OGDHL: variants seen among roughly 807,000 people sequenced by gnomAD.
OGDHL encodes the protein 2-oxoglutarate dehydrogenase-like, mitochondrial.
A neutral mutation model predicts 109.6 loss-of-function variants in OGDHL; 79 were observed. The ratio of observed to expected loss-of-function variants is 0.72; its 90% CI spans 0.60 to 0.87. OGDHL has a LOEUF of 0.87. OGDHL is among the 40% of genes least tolerant of loss of function. OGDHL has a pLI of 0.00. For missense variants in OGDHL, 1,275 were observed against 1,362.2 expected, an observed-to-expected ratio of 0.94 and a Z score of 1.01; for synonymous variants, 528 against 537.2, an observed-to-expected ratio of 0.98 and a Z score of 0.24.
At chr10:49,742,074 C>T (rs1201773823) in intron 15 of OGDHL, among the ~76,000 whole-genome samples, 1 of 86,074 alleles carries the variant, frequency 1.2e-5, no homozygotes, top group African/African-American at 4.4e-5. Context: ...ACACACCACA[C>T]ACCCCACACA....
intron 1 of OGDHL, among the ~76,000 whole-genome samples, chr10:49,761,579 G>GAGGGGCTGCT (rs1564567426): frequency 1.3e-5 from 2 of 152,236 alleles, no homozygotes; most frequent in East Asian, 1.9e-4. Flanking sequence ...AGACACTGGG[G>GAGGGGCTGCT]AGGGGCTGCT....
At chr10:49,759,138 G>A (rs1843107433) in intron 1 of OGDHL, among the ~76,000 whole-genome samples, 1 of 152,188 alleles carries the variant, frequency 6.6e-6, no homozygotes. Flanking sequence ...TATCTCAGGA[G>A]GGCTGTGGCT....
At position 49,750,852 on chromosome 10, in the gene OGDHL, C is replaced by G. The variant is rs770280926; in HGVS notation, c.883G>C (p.Gly295Arg). 6.2e-7 allele frequency: 1 copy of G among 1,610,842 alleles called. No individual in the cohort carries two copies. The highest frequency in any genetic ancestry group is 8.5e-7 in the Non-Finnish European group (1 of 1,178,494). Residue 295 changes from glycine (G) to arginine (R), a missense_variant, in exon 7 of 23, where the codon GGG becomes CGG. Coordinates refer to ENST00000374103, the MANE Select transcript of OGDHL (RefSeq NM_018245.3). ...AGGGGGACCCACCTGTGTGGCATCCCCAAGATGACATTCTCAATCCCCATC... is the reference window on the plus strand; with the variant it reads ...AGGGGGACCCACCTGTGTGGCATCCGCAAGATGACATTCTCAATCCCCATC... The part of the protein sequence containing the change: ...SEMGIENVIL[G>R]MPHRGRLNVL...
rs750620449 is a variant in OGDHL, at chr10:49,736,372, G to A, written c.2739C>T (p.Ile913=). The change falls in exon 21 of 23, where the codon ATC becomes ATT. Residue 913 remains isoleucine (I), a synonymous_variant. Transcript: ENST00000374103. ...TCAGGCACACCTGCTCCAGGCGCGT[G>A]ATGGCCACTTTCTCCTCCAGGTCCT... is the stretch of plus-strand genomic sequence containing the variant. The part of the protein sequence containing the change: ...SSQDLEEKVA[I]TRLEQISPFP... The A allele has an allele frequency of 6.2e-7, 1 of 1,614,144 alleles. No homozygotes were observed. The highest frequency in any genetic ancestry group is 1.1e-5 in the South Asian group (1 of 91,090).
At chr10:49,739,625 A>G (rs1564526165) in intron 17 of OGDHL, 36 bp downstream of exon 17, 3 of 1,602,500 alleles carry the variant, frequency 1.9e-6, no homozygotes, top group Non-Finnish European at 1.7e-6. Context: ...GCCCGCCAGA[A>G]CCCACCAAGC....
chr10:49,751,851 A>G lies in OGDHL; in HGVS notation c.725T>C (p.Leu242Pro). ...QFSSEEKRTL[L>P]ARLVRSMRFE... Reference sequence around the variant, plus strand: ...CCTCATGGAGCGCACTAGCCGGGCCAGCAGGGTCCGCTTCTCCTCGCTGGA... The same window carrying G: ...CCTCATGGAGCGCACTAGCCGGGCCGGCAGGGTCCGCTTCTCCTCGCTGGA... Residue 242 changes from leucine (L) to proline (P), a missense_variant, in exon 6 of 23, where the codon CTG becomes CCG. By Grantham distance (98) the Leu-to-Pro change is moderately conservative (BLOSUM62 -3). Transcript: ENST00000374103. The G allele has an allele frequency of 6.2e-7, 1 of 1,614,056 alleles. No homozygotes were observed. Among genetic ancestry groups the G allele is most frequent in the Non-Finnish European group, 8.5e-7 (1 of 1,180,002 alleles).
chr10:49,735,355 G>A lies in OGDHL; in HGVS notation c.2910-4C>T, dbSNP rs1418501694. On this transcript the variant is annotated splice_region_variant and splice_polypyrimidine_tract_variant and intron_variant, in intron 22 of 22. Coordinates refer to ENST00000374103, the MANE Select transcript of OGDHL (RefSeq NM_018245.3). ...CGCTGGGTCCCGGCCAACATACCTG[G>A]AGGAGGAGAGACAAGCTAAGGGGAA... 6.2e-7 allele frequency: 1 copy of A among 1,611,976 alleles called. No homozygotes were observed. The highest frequency in any genetic ancestry group is 8.5e-7 in the Non-Finnish European group (1 of 1,179,490).
rs762687260 is a variant in OGDHL, at chr10:49,745,766, AC to A, written c.1476+31del. 8 of 1,605,040 alleles carry A rather than the reference AC, an allele frequency of 5.0e-6. No individual in the cohort carries two copies. In the East Asian group the frequency reaches 1.8e-4, roughly 36 times the overall value. ...TCAGCACAGCAGGGATGGGCCACCC[AC>A]CCATGCCTTGGCCTCAGTCCCCAGA... On this transcript the variant is annotated intron_variant, in intron 11 of 22. Coordinates refer to ENST00000374103, the MANE Select transcript of OGDHL (RefSeq NM_018245.3).
At position 49,743,330 on chromosome 10, in the gene OGDHL, G is replaced by T. The variant is rs890707869; in HGVS notation, c.1862-352C>A. The stretch of plus-strand genomic sequence containing the variant: ...GCTCCTGTCAGCCCCACACACAGAG[G>T]CTAACACACAAACAGAGCGGGCACA... On this transcript the variant is annotated intron_variant, in intron 14 of 22. Coordinates refer to ENST00000374103, the MANE Select transcript of OGDHL (RefSeq NM_018245.3). Among the ~76,000 whole-genome samples the T allele has an allele frequency of 2.0e-5, 3 of 152,124 alleles. No individual in the cohort carries two copies. In the East Asian group the frequency reaches 5.8e-4, roughly 30 times the overall value.
intron 3 of OGDHL, among the ~76,000 whole-genome samples, chr10:49,755,445 C>T (rs144390990): frequency 3.3e-5 from 5 of 152,160 alleles, no homozygotes; most frequent in African/African-American, 7.2e-5. Context: ...CAGCAGTGAG[C>T]GGGGGCTAAG....
intron 3 of OGDHL, among the ~76,000 whole-genome samples, chr10:49,755,584 G>A (rs1427468640): frequency 1.3e-5 from 2 of 152,096 alleles, no homozygotes; most frequent in African/African-American, 4.8e-5. Flanking sequence ...CAGTGTGCAG[G>A]TGATTCTAAC....
intron 15 of OGDHL, among the ~76,000 whole-genome samples, chr10:49,742,522 A>G (rs1416351945): frequency 1.2e-5 from 1 of 85,522 alleles, no homozygotes; most frequent in Non-Finnish European, 2.4e-5. Flanking sequence ...TACACACCAA[A>G]CACACCACAC....
chr10:49,735,458 C>A, intron 22 of OGDHL, 107 bp from the exon 23 acceptor site: 1 of 1,366,814 alleles, frequency 7.3e-7, no homozygotes, highest in East Asian at 2.3e-5. Context: ...CCGCTGACCT[C>A]GAAGCCATAG....
rs866708709 is a variant in OGDHL at position 49,744,257 on chromosome 10, C to G, written c.1733-135G>C. The G allele has an allele frequency of 1.8e-5, 20 of 1,142,706 alleles. No homozygotes were observed. The South Asian group carries it at 3.2e-4, about 18-fold the overall frequency. The allele number at this position is 1,142,706 out of a possible 1,614,324, so 70.8% of individuals were successfully genotyped here. A position where few individuals can be genotyped will look rare whatever the true frequency, so the allele number is the denominator to read the frequency against. ...GCACTCGGACTCACCCTGAGCCCAC[C>G]CTTGGGACCTGGGACAGCTGGACAG... On this transcript the variant is annotated intron_variant, in intron 13 of 22. Transcript: ENST00000374103.
At position 49,750,115 on chromosome 10, in the gene OGDHL, C is replaced by T. The variant is rs909415309; in HGVS notation, c.897-299G>A. Among the ~76,000 whole-genome samples the T allele has an allele frequency of 5.3e-5, 8 of 152,272 alleles. No individual in the cohort carries two copies. The East Asian group carries it at 5.8e-4, about 11-fold the overall frequency. On this transcript the variant is annotated intron_variant, in intron 7 of 22. Transcript: ENST00000374103. Reference sequence around the variant, plus strand: ...CCCCAAAGTCCTGGCAGGCCAGCCACGAATGGGGACCCCTGCACCATGCAT... The same window carrying T: ...CCCCAAAGTCCTGGCAGGCCAGCCATGAATGGGGACCCCTGCACCATGCAT...
intron 17 of OGDHL, chr10:49,739,010 G>A (rs565756402): frequency 1.6e-4 from 25 of 152,876 alleles, no homozygotes; most frequent in Non-Finnish European, 3.2e-4. Context: ...TTGTGAGGAT[G>A]CCGAGTATGC....
At position 49,737,166 on chromosome 10, in the gene OGDHL, C is replaced by T. The variant is rs141905861; in HGVS notation, c.2590+620G>A. Among the ~76,000 whole-genome samples the T allele has an allele frequency of 2.7e-3, 408 of 152,244 alleles. 1 individual carries two copies. Among genetic ancestry groups the T allele is most frequent in the African/African-American group, 8.1e-3 (335 of 41,520 alleles). On this transcript the variant is annotated intron_variant, in intron 20 of 22. Coordinates refer to ENST00000374103, the MANE Select transcript of OGDHL (RefSeq NM_018245.3). Reference sequence around the variant, plus strand: ...GCAGGTAGCCCAGGTAGTCCAGTCCCGACATCAGAGCTCTAACAGCTGCCC... The same window carrying T: ...GCAGGTAGCCCAGGTAGTCCAGTCCTGACATCAGAGCTCTAACAGCTGCCC...
At chr10:49,759,005 G>GGGTCTCAA (rs1843096355) in intron 1 of OGDHL, among the ~76,000 whole-genome samples, 1 of 152,044 alleles carries the variant, frequency 6.6e-6, no homozygotes. Context: ...GTGGGTCTCA[G>GGGTCTCAA]GCCCACCACC....
At chr10:49,756,556 C>T (rs1842925909) in intron 3 of OGDHL, 2 of 466,700 alleles carry the variant, frequency 4.3e-6, no homozygotes, top group African/African-American at 1.9e-5. Flanking sequence ...ACCACAAGGA[C>T]ACAAGTCAGT....
Sources: gnomAD v4.1 joint callset for allele counts (sites outside exome capture counted in the v4.1 genomes callset) on GRCh38, gnomAD v4.1.1 for gene constraint, MANE v1.5 for transcripts, NCBI Gene and HGNC (gene_info 2026-07-23, HGNC 2026-07-21) for gene names.